Variants in PIK3CA observed in about 807,000 individuals in gnomAD.
PIK3CA encodes the protein phosphatidylinositol 4,5-bisphosphate 3-kinase catalytic subunit alpha isoform.
In PIK3CA, 27 loss-of-function variants were observed where a neutral mutation model predicts 138.2. The ratio of observed to expected loss-of-function variants is 0.20; its 90% CI spans 0.14 to 0.27. The LOEUF (loss-of-function observed/expected upper bound fraction) is 0.27, where lower values mean the gene tolerates loss of function less well. PIK3CA is among the 10% of genes least tolerant of loss of function. The pLI is 1.00. For missense variants in PIK3CA, 544 were observed against 1,277.4 expected (o/e 0.43, Z 8.75); for synonymous variants, 358 against 413.2 (o/e 0.87, Z 1.62).
intron 1 of PIK3CA, among the ~76,000 whole-genome samples, chr3:179,179,721 A>G (rs1486721901): frequency 1.3e-5 from 2 of 152,150 alleles, no homozygotes; most frequent in African/African-American, 2.4e-5. Context: ...ATCCAAATAC[A>G]TATTTGGATA....
chr3:179,157,591 T>A (rs895574608), intron 1 of PIK3CA, among the ~76,000 whole-genome samples: 1 of 152,074 alleles, frequency 6.6e-6, no homozygotes, highest in Non-Finnish European at 1.5e-5. Flanking sequence ...TTTGTTTGTT[T>A]GGTATAAATA....
intron 16 of PIK3CA, among the ~76,000 whole-genome samples, chr3:179,225,218 T>A (rs1725055559): frequency 6.6e-6 from 1 of 151,716 alleles, no homozygotes. Flanking sequence ...GGCCCTGGGG[T>A]TTTAGCAGTG....
At chr3:179,161,885 G>A (rs941856960) in intron 1 of PIK3CA, among the ~76,000 whole-genome samples, 3 of 151,966 alleles carry the variant, frequency 2.0e-5, no homozygotes, top group Non-Finnish European at 4.4e-5. Flanking sequence ...ATCACTATAT[G>A]TATATTTATA....
In PIK3CA at chr3:179,234,928, G is replaced by A. The variant is rs953507443; in HGVS notation, c.*564G>A. On this transcript the variant is annotated 3_prime_UTR_variant, in exon 21 of 21. Transcript: ENST00000263967. This position sits in a 1 kb window ranked among gnomAD's most constrained non-coding sequence, Gnocchi z 5.1. ...ATGAAGAAAAATGCTTGGGGTGGAA[G>A]GGACTCTTGAGATTTCACCAGAGAC... The A allele has an allele frequency of 4.4e-6, 1 of 226,838 alleles. No homozygotes were observed. The highest frequency in any genetic ancestry group is 8.8e-6 in the Non-Finnish European group (1 of 114,202). 14.1% of individuals were successfully genotyped at this position (226,838 alleles called of 1,614,324 possible).
At chr3:179,165,176 G>A (rs1429930740) in intron 1 of PIK3CA, among the ~76,000 whole-genome samples, 1 of 152,076 alleles carries the variant, frequency 6.6e-6, no homozygotes, top group East Asian at 1.9e-4. Context: ...GAAGAGACTG[G>A]GGGGAGATTA....
intron 3 of PIK3CA, 53 bp from the exon 4 acceptor site, chr3:179,201,237 C>T (rs2108389143): frequency 6.8e-7 from 1 of 1,477,508 alleles, no homozygotes; most frequent in Non-Finnish European, 9.2e-7. Flanking sequence ...GAAATTTCTC[C>T]CTTGAAAAAT....
chr3:179,205,806 T>C (rs1040856380), intron 6 of PIK3CA, among the ~76,000 whole-genome samples: 41 of 152,318 alleles, frequency 2.7e-4, no homozygotes, highest in African/African-American at 9.1e-4. Flanking sequence ...CAAATTGTTA[T>C]TGGACTTTAT....
In PIK3CA at chr3:179,230,982, G is replaced by A. The variant is rs6769508; in HGVS notation, c.2936+606G>A. ...TTTATCCCTCACTGTTCTTCCCACC[G>A]TCTCCCATCTGAGTCTCTGTAGTCC... is the stretch of plus-strand genomic sequence containing the variant. On this transcript the variant is annotated intron_variant, in intron 20 of 20. Coordinates refer to ENST00000263967, the MANE Select transcript of PIK3CA (RefSeq NM_006218.4). The surrounding 1 kb of genome is among the most constrained non-coding windows in gnomAD (Gnocchi z 5.4). Among the ~76,000 whole-genome samples, 19 of 151,794 alleles carry A rather than the reference G, an allele frequency of 1.3e-4. No homozygotes were observed. The highest frequency in any genetic ancestry group is 4.6e-4 in the Admixed American group (7 of 15,238).
At chr3:179,226,904 T>C (rs1427180764) in intron 17 of PIK3CA, among the ~76,000 whole-genome samples, 1 of 152,070 alleles carries the variant, frequency 6.6e-6, no homozygotes, top group African/African-American at 2.4e-5. Context: ...TTTCCAAAAA[T>C]GGTTAATGTT....
At position 179,204,561 on chromosome 3, in the gene PIK3CA, C is replaced by T. The variant is rs1724507332; in HGVS notation, c.1118C>T (p.Thr373Ile). The change falls in exon 6 of 21, where the codon ACT becomes ATT. Residue 373 changes from threonine to isoleucine, a missense_variant. Physicochemically the swap from Thr to Ile is moderately conservative, Grantham distance 89 (BLOSUM62 -1). Around this residue, in one of 14 missense-constraint regions of PIK3CA, gnomAD observed 234 missense variants for 401.3 expected, o/e 0.58. Coordinates refer to ENST00000263967, the MANE Select transcript of PIK3CA (RefSeq NM_006218.4). Reference sequence around the variant, plus strand: ...GAACCCTTATGTGACAATGTGAACACTCAAAGAGTACCTTGTTCCAATCCC... The same window carrying T: ...GAACCCTTATGTGACAATGTGAACATTCAAAGAGTACCTTGTTCCAATCCC... ...GGEPLCDNVN[T>I]QRVPCSNPRW... 6.4e-7 allele frequency: 1 copy of T among 1,573,816 alleles called. No individual in the cohort carries two copies. The highest frequency in any genetic ancestry group is 1.3e-5 in the African/African-American group (1 of 74,154).
At chr3:179,194,690 G>T (rs565153029) in intron 1 of PIK3CA, among the ~76,000 whole-genome samples, 1 of 152,214 alleles carries the variant, frequency 6.6e-6, no homozygotes, top group East Asian at 1.9e-4. Flanking sequence ...GGAACAGGCC[G>T]CATTCTTTCA....
At chr3:179,174,028 C>T (rs534192924) in intron 1 of PIK3CA, among the ~76,000 whole-genome samples, 12 of 152,076 alleles carry the variant, frequency 7.9e-5, no homozygotes, top group South Asian at 2.1e-4. Context: ...GCGCCCGGCC[C>T]GGAAGTGTTT....
At chr3:179,165,588 C>T (rs1045044181) in intron 1 of PIK3CA, among the ~76,000 whole-genome samples, 3 of 152,164 alleles carry the variant, frequency 2.0e-5, no homozygotes, top group African/African-American at 7.2e-5. Flanking sequence ...GCTTCCCTCT[C>T]ATGATCCTTA....
At chr3:179,173,358 A>C (rs1307493547) in intron 1 of PIK3CA, among the ~76,000 whole-genome samples, 1 of 145,588 alleles carries the variant, frequency 6.9e-6, no homozygotes, top group Non-Finnish European at 1.5e-5. Context: ...GGAGATCGAG[A>C]CCATCCTGGC....
At chr3:179,207,722 G>T (rs984430596) in intron 6 of PIK3CA, among the ~76,000 whole-genome samples, 1 of 152,002 alleles carries the variant, frequency 6.6e-6, no homozygotes, top group African/African-American at 2.4e-5. Context: ...GTTTTGCCAC[G>T]TTGGCCAGAC....
intron 1 of PIK3CA, among the ~76,000 whole-genome samples, chr3:179,185,237 A>G (rs1195151822): frequency 6.6e-6 from 1 of 152,220 alleles, no homozygotes; most frequent in Admixed American, 6.5e-5. Flanking sequence ...AGAAGTTCTA[A>G]TCCCTGATGA....
At position 179,164,159 on chromosome 3, in the gene PIK3CA, AAACT is replaced by A. The variant is rs1430454896; in HGVS notation, c.-77+15558_-77+15561del. ...TATACTATATGAGTACAAGTATACA[AAACT>A]ATAGAAAACAAAGAAATAAACCAAA... On this transcript the variant is annotated intron_variant, in intron 1 of 20. Coordinates refer to ENST00000263967, the MANE Select transcript of PIK3CA (RefSeq NM_006218.4). Among the ~76,000 whole-genome samples, 2 of 152,048 alleles carry A rather than the reference AAACT, an allele frequency of 1.3e-5. 1 individual carries two copies. Among genetic ancestry groups the A allele is most frequent in the East Asian group, 3.9e-4 (2 of 5,182 alleles).
chr3:179,208,785 AC>A (rs1356004069), intron 6 of PIK3CA, among the ~76,000 whole-genome samples: 3 of 151,732 alleles, frequency 2.0e-5, no homozygotes, highest in African/African-American at 7.2e-5. Flanking sequence ...AAGTTTCATT[AC>A]CTTTTATAAA....
Position 179,238,569 on chromosome 3 carries a change from A to G in PIK3CA, c.*4205A>G. The G allele has an allele frequency of 4.6e-6, 1 of 219,492 alleles. No individual in the cohort carries two copies. The highest frequency in any genetic ancestry group is 9.2e-6 in the Non-Finnish European group (1 of 109,280). The allele number at this position is 219,492 out of a possible 1,614,324, so 13.6% of individuals were successfully genotyped here. ...GTGCAGATCACTGAATTTTAGATTTATAAAGTCAGAGTTGGCATGCCTTGT... is the reference window on the plus strand; with the variant it reads ...GTGCAGATCACTGAATTTTAGATTTGTAAAGTCAGAGTTGGCATGCCTTGT... On this transcript the variant is annotated 3_prime_UTR_variant, in exon 21 of 21. Coordinates refer to ENST00000263967, the MANE Select transcript of PIK3CA (RefSeq NM_006218.4).
Sources: gnomAD v4.1 joint callset for allele counts (sites outside exome capture counted in the v4.1 genomes callset) on GRCh38, gnomAD v4.1.1 for gene constraint, gnomAD v4.1.1 regional missense constraint, Gnocchi (gnomAD v3.1) non-coding constraint, MANE v1.5 for transcripts, NCBI Gene and HGNC (gene_info 2026-07-23, HGNC 2026-07-21) for gene names.